KHDC4: variants seen among roughly 807,000 people sequenced by gnomAD.
The protein encoded by KHDC4 is KH homology domain-containing protein 4.
KHDC4 carries 19 observed loss-of-function variants against 74.5 expected under a neutral mutation model. That is an observed-to-expected ratio of 0.26 (90% CI 0.18 to 0.37). The LOEUF (loss-of-function observed/expected upper bound fraction) is 0.37. Among genes scored for constraint, KHDC4 ranks in the 10% least tolerant of loss-of-function variants. KHDC4 has a pLI of 1.00. For synonymous variants in KHDC4, 253 were observed against 266.1 expected, an observed-to-expected ratio of 0.95 and a Z score of 0.48; for missense variants, 632 against 754.1, an observed-to-expected ratio of 0.84 and a Z score of 1.90.
intron 2 of KHDC4, among the ~76,000 whole-genome samples, chr1:155,930,041 T>C (rs1674108704): frequency 6.6e-6 from 1 of 152,170 alleles, no homozygotes; most frequent in South Asian, 2.1e-4. Flanking sequence ...GCCTCCTGAG[T>C]AGCTGGGATT....
chr1:155,918,372 A>G (rs2102597979), intron 10 of KHDC4, among the ~76,000 whole-genome samples: 1 of 152,224 alleles, frequency 6.6e-6, no homozygotes, highest in South Asian at 2.1e-4. Flanking sequence ...CCGAGGGACT[A>G]CAGGCACGTG....
At chr1:155,916,106 C>G in intron 12 of KHDC4, 142 bp from the exon 13 acceptor site, 1 of 611,462 alleles carries the variant, frequency 1.6e-6, no homozygotes. Context: ...CACCTTCCCC[C>G]AGCCCCTTTA....
chr1:155,917,970 C>G (rs1174957958), intron 10 of KHDC4, among the ~76,000 whole-genome samples: 2 of 152,190 alleles, frequency 1.3e-5, no homozygotes, highest in Admixed American at 1.3e-4. Flanking sequence ...ACTCCAACCA[C>G]TGACAGTCGA....
intron 9 of KHDC4, 23 bp from the exon 10 acceptor site, chr1:155,921,651 T>A: frequency 6.2e-7 from 1 of 1,601,104 alleles, no homozygotes; most frequent in Non-Finnish European, 8.5e-7. Flanking sequence ...AAAAAAAGTG[T>A]TTAATCAGCT....
intron 4 of KHDC4, among the ~76,000 whole-genome samples, chr1:155,927,832 C>CCCACACACACA (rs1674044535): frequency 1.1e-5 from 1 of 90,930 alleles, no homozygotes; most frequent in African/African-American, 5.2e-5. Flanking sequence ...AAAAAAAAAA[C>CCCACACACACA]CACACACACA....
In KHDC4 at chr1:155,917,660, C is replaced by T. The variant is rs1673760829; in HGVS notation, c.1279G>A (p.Gly427Ser). ...PASTGQSPMG[G>S]PFIPAAPVKT... ...ACAGGAGCAGCAGGAATAAAAGGAC[C>T]ACCCATCGGACTCTGGGACCAAAAC... The change falls in exon 11 of 14, where the codon GGT (glycine) becomes AGT (serine). Residue 427 changes from glycine to serine, a missense_variant. Gly to Ser is a moderately conservative substitution (Grantham distance 56, BLOSUM62 0). Transcript: ENST00000368321. 6.4e-7 allele frequency: 1 copy of T among 1,558,166 alleles called. No individual in the cohort carries two copies. Among genetic ancestry groups the T allele is most frequent in the Non-Finnish European group, 8.6e-7 (1 of 1,156,774 alleles).
intron 12 of KHDC4, among the ~76,000 whole-genome samples, chr1:155,916,303 A>G (rs563702348): frequency 6.6e-6 from 1 of 152,224 alleles, no homozygotes; most frequent in Non-Finnish European, 1.5e-5. Flanking sequence ...TAATGACTCT[A>G]AAGTAGCAAA....
chr1:155,930,677 T>C (rs1262179345), intron 2 of KHDC4, among the ~76,000 whole-genome samples: 1 of 152,208 alleles, frequency 6.6e-6, no homozygotes, highest in Non-Finnish European at 1.5e-5. Context: ...TCCATCCTTG[T>C]AAAGCTCTCA....
intron 13 of KHDC4, chr1:155,915,124 CTT>C (rs1673703840): frequency 7.0e-6 from 1 of 142,260 alleles, no homozygotes. Flanking sequence ...TTCTCTTTCT[CTT>C]TCTTTTTTTT....
chr1:155,921,867 A>G lies in KHDC4; in HGVS notation c.1006T>C (p.Leu336=). The change falls in exon 9 of 14, where the codon TTA becomes CTA. Residue 336 remains leucine, a synonymous_variant. Transcript: ENST00000368321. ...FVNQINTAVP[L]PGYTQPSAIS... is the part of the protein sequence containing the mutation. The stretch of plus-strand genomic sequence containing the variant: ...CACTTCAAGATGTACACACCTGGTA[A>G]AGGTACAGCAGTATTAATCTGATTC... 1 of 1,603,402 alleles carries G rather than the reference A, an allele frequency of 6.2e-7. No individual in the cohort carries two copies. The highest frequency in any genetic ancestry group is 8.5e-7 in the Non-Finnish European group (1 of 1,172,332).
intron 7 of KHDC4, among the ~76,000 whole-genome samples, chr1:155,924,530 T>C (rs1310201777): frequency 2.6e-5 from 4 of 150,998 alleles, no homozygotes; most frequent in South Asian, 4.2e-4. Context: ...CCAAAGGACT[T>C]GAATACTAAA....
chr1:155,914,241 C>T lies in KHDC4; in HGVS notation c.1725G>A (p.Glu575=), dbSNP rs764472632. ...VAYAADSSDE[E]EEHGGHKNAS... ...CATTTTTATGACCTCCATGTTCCTC[C>T]TCTTCATCAGATGAATCTGCAGCAT... is the stretch of plus-strand genomic sequence containing the variant. The change falls in exon 14 of 14, where the codon GAG becomes GAA. Residue 575 remains glutamate, a synonymous_variant. Coordinates refer to ENST00000368321, the MANE Select transcript of KHDC4 (RefSeq NM_014949.4). The T allele has an allele frequency of 3.1e-6, 5 of 1,613,926 alleles. No individual in the cohort carries two copies. Among genetic ancestry groups the T allele is most frequent in the Non-Finnish European group, 4.2e-6 (5 of 1,179,966 alleles).
intron 8 of KHDC4, among the ~76,000 whole-genome samples, chr1:155,922,884 G>A (rs1203629322): frequency 2.0e-5 from 3 of 152,148 alleles, no homozygotes; most frequent in Admixed American, 2.0e-4. Context: ...CATATTCAGT[G>A]CAAAACCTGA....
In KHDC4 at chr1:155,913,122, T is replaced by C. The variant is rs1314426129; in HGVS notation, c.*999A>G. 6.5e-6 allele frequency: 1 copy of C among 152,740 alleles called. No individual in the cohort carries two copies. Among genetic ancestry groups the C allele is most frequent in the Non-Finnish European group, 1.5e-5 (1 of 68,042 alleles). 9.5% of individuals were successfully genotyped at this position (152,740 alleles called of 1,614,324 possible). ...TATAGGAAACCAGAGGATAAGTTTATACAAAGCCAGCCTGCAAAGTATTCA... is the reference window on the plus strand; with the variant it reads ...TATAGGAAACCAGAGGATAAGTTTACACAAAGCCAGCCTGCAAAGTATTCA... On this transcript the variant is annotated 3_prime_UTR_variant, in exon 14 of 14. Transcript: ENST00000368321.
At chr1:155,930,750 T>C (rs1462219573) in intron 2 of KHDC4, among the ~76,000 whole-genome samples, 2 of 152,158 alleles carry the variant, frequency 1.3e-5, no homozygotes, top group African/African-American at 4.8e-5. Context: ...CAAAGAAGAA[T>C]GAAAAAACAG....
intron 1 of KHDC4, 144 bp from the exon 2 acceptor site, chr1:155,933,993 C>T: frequency 1.4e-6 from 1 of 698,112 alleles, no homozygotes; most frequent in African/African-American, 1.8e-5. Context: ...ACTCCCCTCT[C>T]CTTAAACAAT....
chr1:155,926,347 T>TTTTA, intron 6 of KHDC4: 3 of 336,432 alleles, frequency 8.9e-6, no homozygotes, highest in Admixed American at 4.8e-5. Context: ...TTTTTTTTTT[T>TTTTA]GAGATGGAGT....
chr1:155,923,268 T>C (rs1673908136), intron 8 of KHDC4, among the ~76,000 whole-genome samples: 1 of 152,174 alleles, frequency 6.6e-6, no homozygotes, highest in Non-Finnish European at 1.5e-5. Context: ...AAATGAGCAA[T>C]CATCCCCCAA....
intron 9 of KHDC4, 83 bp downstream of exon 9, chr1:155,921,778 T>G: frequency 7.1e-7 from 1 of 1,406,040 alleles, no homozygotes; most frequent in Non-Finnish European, 9.9e-7. Context: ...AATAGTGCCC[T>G]GGCACAGTCT....
Sources: gnomAD v4.1 joint callset for allele counts (sites outside exome capture counted in the v4.1 genomes callset) on GRCh38, gnomAD v4.1.1 for gene constraint, MANE v1.5 for transcripts, NCBI Gene and HGNC (gene_info 2026-07-23, HGNC 2026-07-21) for gene names.